The following COL22A1 variants were observed in gnomAD, a reference collection of about 807,000 sequenced individuals.
COL22A1 encodes collagen alpha-1(XXII) chain.
A neutral mutation model predicts 248.9 loss-of-function variants in COL22A1; 221 were observed. The observed-to-expected ratio is 0.89, with a 90% CI of 0.80 to 0.99. COL22A1 has a LOEUF of 0.99. COL22A1 is among the 50% of genes least tolerant of loss of function. The pLI is 0.00. For missense variants in COL22A1, 2,240 were observed against 2,179.0 expected (o/e 1.03, Z -0.56); for synonymous variants, 891 against 793.4 (o/e 1.12, Z -2.07).
At chr8:138,683,879 G>A (rs1826139837) in intron 39 of COL22A1, among the ~76,000 whole-genome samples, 1 of 152,120 alleles carries the variant, frequency 6.6e-6, no homozygotes, top group Non-Finnish European at 1.5e-5. Context: ...GAAAGTCAGT[G>A]TCTCCCACCA....
In COL22A1 at chr8:138,817,905, G is replaced by T. The variant is rs16909663; in HGVS notation, c.1245+3231C>A. 8.4e-3 allele frequency among the ~76,000 whole-genome samples: 1,285 copies of T among 152,258 alleles called. 18 individuals are homozygous for T. Among genetic ancestry groups the T allele is most frequent in the African/African-American group, 0.028 (1,169 of 41,538 alleles). On this transcript the variant is annotated intron_variant, in intron 7 of 64. Transcript: ENST00000303045. ...ACAGCACCAGAGAGGCTATAGGGGA[G>T]CTTGGACTCCAGAACAATTTTGTTT...
In COL22A1 at chr8:138,757,173, C is replaced by T. The variant is rs143675027; in HGVS notation, c.1903-1344G>A. On this transcript the variant is annotated intron_variant, in intron 18 of 64. Coordinates refer to ENST00000303045, the MANE Select transcript of COL22A1 (RefSeq NM_152888.3). Reference sequence around the variant, plus strand: ...AGATCTCCATACACTCAGATCCCAGCGCGGATATCAAGTCACTTCTTCACG... The same window carrying T: ...AGATCTCCATACACTCAGATCCCAGTGCGGATATCAAGTCACTTCTTCACG... Among the ~76,000 whole-genome samples the T allele has an allele frequency of 2.7e-3, 417 of 152,248 alleles. 2 individuals are homozygous for T. Among genetic ancestry groups the T allele is most frequent in the African/African-American group, 9.4e-3 (390 of 41,550 alleles).
intron 22 of COL22A1, among the ~76,000 whole-genome samples, chr8:138,746,819 C>T (rs542592472): frequency 3.9e-5 from 6 of 152,328 alleles, no homozygotes; most frequent in South Asian, 2.1e-4. Context: ...AGGATGGGTG[C>T]TCAGAAGCCC....
chr8:138,875,122 G>A (rs1241160331), intron 3 of COL22A1, among the ~76,000 whole-genome samples: 1 of 152,166 alleles, frequency 6.6e-6, no homozygotes, highest in African/African-American at 2.4e-5. Flanking sequence ...AATGGAGAGT[G>A]GAATGAATGG....
chr8:138,664,617 T>C (rs1824335896), intron 41 of COL22A1, among the ~76,000 whole-genome samples: 1 of 152,110 alleles, frequency 6.6e-6, no homozygotes, highest in Non-Finnish European at 1.5e-5. Flanking sequence ...AGTCCAGCAT[T>C]GTTACTGCCT....
intron 12 of COL22A1, among the ~76,000 whole-genome samples, chr8:138,790,234 G>A (rs151315651): frequency 4.6e-5 from 7 of 152,222 alleles, no homozygotes; most frequent in African/African-American, 9.6e-5. Context: ...GTCTTTTCAC[G>A]GTAACCTGAC....
intron 37 of COL22A1, 104 bp from the exon 38 acceptor site, chr8:138,685,416 T>G (rs894377276): frequency 2.3e-6 from 2 of 875,060 alleles, no homozygotes; most frequent in Non-Finnish European, 3.7e-6. Flanking sequence ...GGGGCTGCCT[T>G]TATGATTTTA....
chr8:138,674,410 C>T (rs1004397991), intron 41 of COL22A1, among the ~76,000 whole-genome samples: 1 of 152,170 alleles, frequency 6.6e-6, no homozygotes. Flanking sequence ...ATACAGATTC[C>T]CAGGCCATTA....
chr8:138,604,454 C>T (rs1168575285), intron 59 of COL22A1, among the ~76,000 whole-genome samples: 2 of 152,202 alleles, frequency 1.3e-5, no homozygotes, highest in African/African-American at 4.8e-5. Flanking sequence ...TATTTGAAGT[C>T]AGAGTTGACA....
chr8:138,904,801 C>T (rs1814892562), intron 1 of COL22A1, among the ~76,000 whole-genome samples: 1 of 152,124 alleles, frequency 6.6e-6, no homozygotes, highest in South Asian at 2.1e-4. Context: ...TTGGAGGTGC[C>T]ATCCCAGCAG....
Position 138,598,832 on chromosome 8 carries a change from T to G in COL22A1, c.4252A>C (p.Ile1418Leu). 6.2e-7 allele frequency: 1 copy of G among 1,614,144 alleles called. No individual in the cohort carries two copies. The highest frequency in any genetic ancestry group is 8.5e-7 in the Non-Finnish European group (1 of 1,180,016). ...CCTGTGTGGCCTTTGTGGCCTGGGA[T>G]TCCAGGGTCCCCAGGCTGGCCTTTT... is the stretch of plus-strand genomic sequence containing the variant. ...GGKGQPGDPG[I>L]PGHKGHTGLM... Residue 1418 changes from isoleucine (I) to leucine (L), a missense_variant, in exon 61 of 65, where the codon ATC becomes CTC. Transcript: ENST00000303045.
chr8:138,610,502 T>A (rs1818772526), intron 56 of COL22A1, among the ~76,000 whole-genome samples: 1 of 152,254 alleles, frequency 6.6e-6, no homozygotes, highest in Non-Finnish European at 1.5e-5. Context: ...AATGAGGTTG[T>A]CAGAGAAAGA....
intron 41 of COL22A1, among the ~76,000 whole-genome samples, chr8:138,667,593 T>C (rs1824619963): frequency 6.6e-6 from 1 of 152,198 alleles, no homozygotes; most frequent in African/African-American, 2.4e-5. Flanking sequence ...AAGTCATTAT[T>C]TGAAAACAAG....
At chr8:138,801,914 G>A (rs988795848) in intron 11 of COL22A1, among the ~76,000 whole-genome samples, 6 of 151,938 alleles carry the variant, frequency 3.9e-5, no homozygotes, top group Non-Finnish European at 5.9e-5. Flanking sequence ...CCTGCCCAAG[G>A]TCACACGGCT....
chr8:138,673,960 T>G (rs1349679168), intron 41 of COL22A1, among the ~76,000 whole-genome samples: 1 of 152,144 alleles, frequency 6.6e-6, no homozygotes, highest in Non-Finnish European at 1.5e-5. Flanking sequence ...AGAACAACTC[T>G]GCAACAACGC....
intron 3 of COL22A1, among the ~76,000 whole-genome samples, chr8:138,876,997 C>T (rs149074902): frequency 3.2e-4 from 49 of 152,322 alleles, no homozygotes; most frequent in African/African-American, 1.1e-3. Context: ...CATGAGAAAC[C>T]CACTTCATCC....
chr8:138,663,604 A>C, intron 42 of COL22A1, 101 bp downstream of exon 42: 1 of 890,024 alleles, frequency 1.1e-6, no homozygotes, highest in Non-Finnish European at 1.9e-6. Context: ...AGGAAATTTC[A>C]GAATCTACTT....
intron 62 of COL22A1, 72 bp from the exon 63 acceptor site, chr8:138,594,271 GACA>G: frequency 2.9e-6 from 4 of 1,381,916 alleles, no homozygotes; most frequent in Non-Finnish European, 3.9e-6. Flanking sequence ...GCTACTCACT[GACA>G]ACTCAGAACC....
At chr8:138,594,262 C>T in intron 62 of COL22A1, 63 bp from the exon 63 acceptor site, 1 of 1,453,076 alleles carries the variant, frequency 6.9e-7, no homozygotes, top group South Asian at 1.3e-5. Context: ...GACAGGATGG[C>T]TACTCACTGA....
Sources: allele counts gnomAD v4.1 joint callset (sites outside exome capture counted in the v4.1 genomes callset), GRCh38; gene constraint gnomAD v4.1.1; transcripts MANE v1.5; gene names NCBI Gene and HGNC (gene_info 2026-07-23, HGNC 2026-07-21).